BCO1: variants seen among roughly 807,000 people sequenced by gnomAD.
The protein encoded by BCO1 is beta,beta-carotene 15,15'-dioxygenase.
BCO1 carries 54 observed loss-of-function variants against 56.3 expected under a neutral mutation model. The observed-to-expected ratio is 0.96, with a 90% CI of 0.77 to 1.20. BCO1 has a LOEUF of 1.20. Ranked by LOEUF, BCO1 falls within the 50% of genes most tolerant of loss-of-function variation. The pLI is 0.00. For synonymous variants in BCO1, 318 were observed against 266.1 expected (o/e 1.20, Z -1.90); for missense variants, 801 against 690.9 (o/e 1.16, Z -1.79).
At chr16:81,257,891 A>C (rs1906244137) in intron 2 of BCO1, among the ~76,000 whole-genome samples, 1 of 151,880 alleles carries the variant, frequency 6.6e-6, no homozygotes, top group Admixed American at 6.6e-5. Context: ...AAAAAAAAAA[A>C]AAAAAGAGAG....
chr16:81,267,236 A>T (rs1906884107), intron 5 of BCO1, among the ~76,000 whole-genome samples: 1 of 152,170 alleles, frequency 6.6e-6, no homozygotes, highest in Admixed American at 6.5e-5. Context: ...GACCATAATG[A>T]TAGCCCATTC....
intron 6 of BCO1, among the ~76,000 whole-genome samples, chr16:81,269,449 C>G (rs1445097756): frequency 6.6e-6 from 1 of 152,114 alleles, no homozygotes; most frequent in Non-Finnish European, 1.5e-5. Flanking sequence ...GCACACGCCA[C>G]AATGCCTAGT....
chr16:81,260,454 G>A (rs1305366314), intron 3 of BCO1, among the ~76,000 whole-genome samples: 5 of 152,174 alleles, frequency 3.3e-5, no homozygotes, highest in South Asian at 4.1e-4. Flanking sequence ...GGATGTTGAG[G>A]AGAGGGAGAG....
chr16:81,247,513 A>G (rs1402498166), intron 2 of BCO1, among the ~76,000 whole-genome samples: 2 of 151,778 alleles, frequency 1.3e-5, no homozygotes, highest in African/African-American at 4.8e-5. Context: ...ATTTTATTTT[A>G]TTTTTTATTT....
intron 8 of BCO1, among the ~76,000 whole-genome samples, chr16:81,284,881 G>T (rs1908087414): frequency 1.3e-5 from 2 of 149,986 alleles, no homozygotes; most frequent in Non-Finnish European, 1.5e-5. Context: ...CTGTGGCCCA[G>T]GCTGGAGTGA....
rs773196361 is a variant in BCO1, at chr16:81,244,548, C to T, written c.65-927C>T. ...AGCTACCATATTGGACAGTACAGCT[C>T]TAGAATGTTCTTTCCTTTTGCCTTT... On this transcript the variant is annotated intron_variant, in intron 1 of 10. Transcript: ENST00000258168. Among the ~76,000 whole-genome samples, 4 of 152,108 alleles carry T rather than the reference C, an allele frequency of 2.6e-5. 1 individual carries two copies. In the Middle Eastern group the frequency reaches 0.01, roughly 388 times the overall value.
chr16:81,255,457 T>A (rs1043141415), intron 2 of BCO1, among the ~76,000 whole-genome samples: 3 of 152,230 alleles, frequency 2.0e-5, no homozygotes, highest in South Asian at 2.1e-4. Context: ...TAGATCTTGC[T>A]TTATTTTGCT....
chr16:81,271,858 T>A (rs1907237274), intron 7 of BCO1, among the ~76,000 whole-genome samples: 1 of 152,034 alleles, frequency 6.6e-6, no homozygotes, highest in Non-Finnish European at 1.5e-5. Context: ...CAAGCAATTC[T>A]TGTGCCTCAG....
At chr16:81,249,441 A>G (rs1192125824) in intron 2 of BCO1, among the ~76,000 whole-genome samples, 1 of 152,242 alleles carries the variant, frequency 6.6e-6, no homozygotes, top group East Asian at 1.9e-4. Flanking sequence ...TATTTTTAGT[A>G]GAGACGGGGT....
intron 8 of BCO1, 77 bp from the exon 9 acceptor site, chr16:81,285,463 A>T: frequency 9.4e-7 from 1 of 1,065,076 alleles, no homozygotes; most frequent in Non-Finnish European, 1.5e-6. Flanking sequence ...AGGAAAGGCT[A>T]CCCAATCTGA....
chr16:81,246,223 C>T (rs1905406659), intron 2 of BCO1, among the ~76,000 whole-genome samples: 2 of 152,076 alleles, frequency 1.3e-5, no homozygotes. Context: ...GACTGACTTT[C>T]CTGCCTCCCT....
At chr16:81,270,585 TTAGAAAA>T (rs1469582673) in intron 7 of BCO1, among the ~76,000 whole-genome samples, 169 bp downstream of exon 7, 4 of 144,092 alleles carry the variant, frequency 2.8e-5, no homozygotes, top group African/African-American at 7.4e-5. Flanking sequence ...AATAAAAACT[TTAGAAAA>T]TATAGATAAG....
intron 7 of BCO1, among the ~76,000 whole-genome samples, chr16:81,280,643 T>C (rs1398758095): frequency 6.6e-6 from 1 of 152,232 alleles, no homozygotes; most frequent in Non-Finnish European, 1.5e-5. Context: ...CTACCAGGTA[T>C]GTGACCTTGG....
At position 81,261,902 on chromosome 16, in the gene BCO1, C is replaced by T. The variant is rs959617101; in HGVS notation, c.324-234C>T. On this transcript the variant is annotated intron_variant, in intron 3 of 10. Coordinates refer to ENST00000258168, the MANE Select transcript of BCO1 (RefSeq NM_017429.3). ...GACTACAGGCGCCTGCCACCACGCC[C>T]GGCTGATTTTTTGTATTTTTTAGTA... 2.5e-5 allele frequency: 11 copies of T among 431,428 alleles called. 1 individual carries two copies. Among genetic ancestry groups the T allele is most frequent in the Middle Eastern group, 1.4e-3 (2 of 1,398 alleles). The allele number at this position is 431,428 out of a possible 1,614,324, so 26.7% of individuals were successfully genotyped here. A position where few individuals can be genotyped will look rare whatever the true frequency, so the allele number is the denominator to read the frequency against.
chr16:81,259,982 G>C (rs1906385267), intron 3 of BCO1, among the ~76,000 whole-genome samples, 177 bp downstream of exon 3: 1 of 152,180 alleles, frequency 6.6e-6, no homozygotes, highest in South Asian at 2.1e-4. Context: ...GAGAGACTAA[G>C]AGCATTTGAC....
At chr16:81,264,544 C>T (rs1462886051) in intron 4 of BCO1, 96 bp from the exon 5 acceptor site, 1 of 1,456,330 alleles carries the variant, frequency 6.9e-7, no homozygotes, top group Non-Finnish European at 9.6e-7. Context: ...TTTCATAGGA[C>T]TTCAACCTTT....
At chr16:81,239,000 T>G (rs1264533243) in intron 1 of BCO1, 28 bp downstream of exon 1, 4 of 1,591,452 alleles carry the variant, frequency 2.5e-6, no homozygotes, top group Non-Finnish European at 2.6e-6. Context: ...CACTGGGCTC[T>G]TTCTTCTATT....
At chr16:81,266,121 G>T (rs1027488900) in intron 5 of BCO1, among the ~76,000 whole-genome samples, 5 of 152,096 alleles carry the variant, frequency 3.3e-5, no homozygotes, top group Admixed American at 2.0e-4. Context: ...TTCATTCCTA[G>T]CCCCTGCAGC....
chr16:81,252,958 T>A (rs967276952), intron 2 of BCO1, among the ~76,000 whole-genome samples: 1 of 151,744 alleles, frequency 6.6e-6, no homozygotes, highest in Non-Finnish European at 1.5e-5. Context: ...AAAATACAAA[T>A]ATTAGCCAGG....
Sources: allele counts gnomAD v4.1 joint callset (sites outside exome capture counted in the v4.1 genomes callset), GRCh38; gene constraint gnomAD v4.1.1; transcripts MANE v1.5; gene names NCBI Gene and HGNC (gene_info 2026-07-23, HGNC 2026-07-21).